PCDH9: variants seen among roughly 807,000 people sequenced by gnomAD.
PCDH9 encodes the protein protocadherin-9.
In PCDH9, 24 loss-of-function variants were observed where a neutral mutation model predicts 70.6. The ratio of observed to expected loss-of-function variants is 0.34; its 90% CI spans 0.25 to 0.48. The LOEUF (loss-of-function observed/expected upper bound fraction) is 0.48, where lower values mean the gene tolerates loss of function less well. Ranked by LOEUF, PCDH9 falls within the 20% of genes least tolerant of loss-of-function variation. The pLI is 0.99. For synonymous variants in PCDH9, 562 were observed against 558.5 expected (o/e 1.01, Z -0.09); for missense variants, 1,281 against 1,503.6 (o/e 0.85, Z 2.45).
intron 4 of PCDH9, among the ~76,000 whole-genome samples, chr13:66,528,284 C>T (rs1217412239): frequency 6.6e-6 from 1 of 152,114 alleles, no homozygotes; most frequent in Non-Finnish European, 1.5e-5. Flanking sequence ...CAGTTCGCTT[C>T]ACAGGGGAGT....
At chr13:66,471,549 A>T (rs1002081417) in intron 4 of PCDH9, among the ~76,000 whole-genome samples, 10 of 152,228 alleles carry the variant, frequency 6.6e-5, no homozygotes, top group African/African-American at 2.4e-4. Flanking sequence ...ACATTATAAT[A>T]CCTAACACAT....
At chr13:66,806,608 G>A (rs546928751) in intron 3 of PCDH9, among the ~76,000 whole-genome samples, 4 of 152,130 alleles carry the variant, frequency 2.6e-5, no homozygotes, top group Admixed American at 6.5e-5. Flanking sequence ...CTAGTATAAC[G>A]ATTAGCAGCA....
intron 2 of PCDH9, among the ~76,000 whole-genome samples, chr13:66,967,618 T>C (rs980552083): frequency 1.3e-5 from 2 of 151,952 alleles, no homozygotes; most frequent in African/African-American, 4.8e-5. Flanking sequence ...ACTATAACAC[T>C]GAATGCAAAA....
intron 3 of PCDH9, among the ~76,000 whole-genome samples, chr13:66,642,051 T>C (rs558200387): frequency 1.3e-5 from 2 of 152,190 alleles, no homozygotes; most frequent in South Asian, 2.1e-4. Flanking sequence ...AAAGATACTT[T>C]TAAGATATAG....
At chr13:66,917,211 A>G (rs2082570839) in intron 2 of PCDH9, among the ~76,000 whole-genome samples, 1 of 151,450 alleles carries the variant, frequency 6.6e-6, no homozygotes, top group South Asian at 2.1e-4. Flanking sequence ...TTTATTCTTC[A>G]TGTGTAAACA....
intron 4 of PCDH9, among the ~76,000 whole-genome samples, chr13:66,557,333 T>C (rs1961780271): frequency 6.6e-6 from 1 of 152,218 alleles, no homozygotes; most frequent in Non-Finnish European, 1.5e-5. Context: ...TAGAGATCTT[T>C]GTGAATATTT....
chr13:67,176,894 A>G (rs2088476042), intron 2 of PCDH9, among the ~76,000 whole-genome samples: 1 of 152,130 alleles, frequency 6.6e-6, no homozygotes, highest in Non-Finnish European at 1.5e-5. Context: ...ATAATTAAGA[A>G]TATATGCTAT....
intron 4 of PCDH9, among the ~76,000 whole-genome samples, chr13:66,361,961 A>C (rs1956478759): frequency 1.3e-5 from 2 of 152,110 alleles, no homozygotes; most frequent in African/African-American, 4.8e-5. Context: ...TCTCTTACTA[A>C]TTTTGTAATA....
At chr13:67,065,000 G>A (rs1201989942) in intron 2 of PCDH9, among the ~76,000 whole-genome samples, 1 of 152,040 alleles carries the variant, frequency 6.6e-6, no homozygotes, top group African/African-American at 2.4e-5. Flanking sequence ...GAACCTGAAT[G>A]AACCTAAGGG....
intron 4 of PCDH9, among the ~76,000 whole-genome samples, chr13:66,387,793 T>C (rs937495961): frequency 6.6e-6 from 1 of 152,122 alleles, no homozygotes; most frequent in African/African-American, 2.4e-5. Flanking sequence ...CAAAAACATT[T>C]TTACTGCAGT....
chr13:66,707,145 G>C (rs1371970582), intron 3 of PCDH9, among the ~76,000 whole-genome samples: 1 of 152,164 alleles, frequency 6.6e-6, no homozygotes, highest in Non-Finnish European at 1.5e-5. Context: ...TCACGTGAAA[G>C]AGGTGAACCT....
At chr13:66,715,636 G>T (rs749815770) in intron 3 of PCDH9, among the ~76,000 whole-genome samples, 2 of 152,106 alleles carry the variant, frequency 1.3e-5, no homozygotes, top group Non-Finnish European at 2.9e-5. Flanking sequence ...GCACATCTTT[G>T]TGTGTAATAT....
intron 2 of PCDH9, among the ~76,000 whole-genome samples, chr13:67,005,185 T>C (rs986051294): frequency 1.3e-5 from 2 of 151,850 alleles, no homozygotes; most frequent in Admixed American, 1.3e-4. Context: ...GGAACATCCA[T>C]TTGCTTTCCC....
intron 4 of PCDH9, among the ~76,000 whole-genome samples, chr13:66,600,071 TA>T (rs2077147632): frequency 6.6e-6 from 1 of 151,886 alleles, no homozygotes; most frequent in Non-Finnish European, 1.5e-5. Context: ...AAGCTGTCAG[TA>T]AATTTTGAAT....
chr13:67,085,310 T>C (rs945425236), intron 2 of PCDH9, among the ~76,000 whole-genome samples: 2 of 151,676 alleles, frequency 1.3e-5, no homozygotes, highest in Non-Finnish European at 2.9e-5. Flanking sequence ...CAATATTATA[T>C]GTCCTTAAAG....
chr13:66,309,595 G>A (rs1955527334), intron 4 of PCDH9, among the ~76,000 whole-genome samples: 1 of 151,794 alleles, frequency 6.6e-6, no homozygotes, highest in Non-Finnish European at 1.5e-5. Flanking sequence ...AATCTCAGAT[G>A]TTTGCTAATA....
chr13:66,533,324 T>C (rs763292240), intron 4 of PCDH9, among the ~76,000 whole-genome samples: 1 of 152,152 alleles, frequency 6.6e-6, no homozygotes, highest in Non-Finnish European at 1.5e-5. Context: ...AGGTAGATTG[T>C]CTGCTTTTCT....
chr13:66,580,565 A>G (rs979013408), intron 4 of PCDH9, among the ~76,000 whole-genome samples: 1 of 151,476 alleles, frequency 6.6e-6, no homozygotes, highest in Non-Finnish European at 1.5e-5. Context: ...TTCTGGGGTG[A>G]TAAAACTGTT....
rs564222000 is a variant in PCDH9 at position 66,818,892 on chromosome 13, C to CCACTG, written c.3138+84607_3138+84611dup. ...GAGCTTGCAGTGGGCCGAGATCGCGCCACTGCACTCCAGCCTGGGTGAAAG... is the reference window on the plus strand; with the variant it reads ...GAGCTTGCAGTGGGCCGAGATCGCGCCACTGCACTGCACTCCAGCCTGGGTGAAAG... On this transcript the variant is annotated intron_variant, in intron 3 of 4. Coordinates refer to ENST00000377865, the MANE Select transcript of PCDH9 (RefSeq NM_203487.3). Among the ~76,000 whole-genome samples the CCACTG allele has an allele frequency of 4.0e-4, 61 of 151,102 alleles. 1 individual carries two copies. In the East Asian group the frequency reaches 9.8e-3, roughly 24 times the overall value.
Sources: gnomAD v4.1 joint callset for allele counts (sites outside exome capture counted in the v4.1 genomes callset) on GRCh38, gnomAD v4.1.1 for gene constraint, MANE v1.5 for transcripts, NCBI Gene and HGNC (gene_info 2026-07-23, HGNC 2026-07-21) for gene names.